Variants in PCDHA4 observed in about 807,000 individuals in gnomAD.
PCDHA4 encodes the protein protocadherin alpha-4.
Under a neutral mutation model 61.4 loss-of-function variants are expected in PCDHA4, and 49 were observed. That is an observed-to-expected ratio of 0.80 (90% CI 0.63 to 1.01). The LOEUF (loss-of-function observed/expected upper bound fraction) is 1.01, where lower values mean the gene tolerates loss of function less well. Ranked by LOEUF, PCDHA4 falls within the 50% of genes least tolerant of loss-of-function variation. The probability of loss-of-function intolerance (pLI) is 0.00; values close to 1 mark genes in which losing one functional copy is unlikely to be tolerated. For missense variants in PCDHA4, 1,254 were observed against 1,235.8 expected (o/e 1.01, Z -0.22); for synonymous variants, 590 against 550.3 (o/e 1.07, Z -1.01).
rs1276562311 is a variant in PCDHA4, at chr5:140,851,314, C to T, written c.2385+41742C>T. ...AGCAAAAATATATAGCAATTGTTAC[C>T]TTGTTAAGTTTGTAGTTCTCTACAT... On this transcript the variant is annotated intron_variant, in intron 1 of 3. Transcript: ENST00000530339. The T allele has an allele frequency of 2.6e-5, 26 of 997,988 alleles. 4 individuals carry two copies. Among genetic ancestry groups the T allele is most frequent in the Non-Finnish European group, 2.6e-5 (21 of 813,766 alleles). The allele number at this position is 997,988 out of a possible 1,614,324, so 61.8% of individuals were successfully genotyped here.
chr5:140,884,174 C>T (rs540874524), intron 1 of PCDHA4: 6 of 1,613,436 alleles, frequency 3.7e-6, no homozygotes, highest in Middle Eastern at 1.7e-4. Flanking sequence ...CACGACGCGC[C>T]CTCTGGACGA....
chr5:140,916,747 G>A (rs1445361224), intron 1 of PCDHA4, among the ~76,000 whole-genome samples: 1 of 152,220 alleles, frequency 6.6e-6, no homozygotes, highest in Non-Finnish European at 1.5e-5. Context: ...TTCACTGCCT[G>A]GGATTAGGGG....
At chr5:140,926,957 T>G in intron 1 of PCDHA4, 1 of 1,602,892 alleles carries the variant, frequency 6.2e-7, no homozygotes, top group Non-Finnish European at 8.5e-7. Context: ...GCGGGACAGC[T>G]CGAGTACTCA....
chr5:140,936,640 C>G (rs782162757), intron 1 of PCDHA4, among the ~76,000 whole-genome samples: 3 of 152,208 alleles, frequency 2.0e-5, no homozygotes, highest in African/African-American at 7.2e-5. Context: ...TCATAAGCAA[C>G]GTGACTTTAT....
intron 3 of PCDHA4, among the ~76,000 whole-genome samples, chr5:141,008,546 A>G (rs2098381708): frequency 6.6e-6 from 1 of 150,382 alleles, no homozygotes; most frequent in Non-Finnish European, 1.5e-5. Flanking sequence ...TTTATTGAAA[A>G]CTCCTGTGGA....
At chr5:140,852,885 ATT>A (rs879977429) in intron 1 of PCDHA4, 59 of 776,660 alleles carry the variant, frequency 7.6e-5, no homozygotes, top group Non-Finnish European at 8.1e-5. Flanking sequence ...CATAAAACGT[ATT>A]TTTTTTTTTG....
intron 1 of PCDHA4, among the ~76,000 whole-genome samples, chr5:140,915,632 CT>C (rs782761734): frequency 6.2e-5 from 9 of 144,496 alleles, no homozygotes; most frequent in Non-Finnish European, 1.3e-4. Context: ...TTCTGTCTCT[CT>C]CTCTCTCTCT....
chr5:140,852,885 A>ATTT, intron 1 of PCDHA4: 1 of 778,088 alleles, frequency 1.3e-6, no homozygotes, highest in Non-Finnish European at 1.6e-6. Context: ...CATAAAACGT[A>ATTT]TTTTTTTTTT....
At chr5:140,849,791 G>C (rs1482087320) in intron 1 of PCDHA4, 8 of 1,598,446 alleles carry the variant, frequency 5.0e-6, no homozygotes, top group Non-Finnish European at 6.8e-6. Context: ...ACGGGGGCTC[G>C]CCTTCACTGT....
At chr5:140,839,943 G>A (rs1281845453) in intron 1 of PCDHA4, among the ~76,000 whole-genome samples, 2 of 151,554 alleles carry the variant, frequency 1.3e-5, no homozygotes, top group East Asian at 3.9e-4. Flanking sequence ...TGCCAAGAAG[G>A]AGACAACATA....
At chr5:140,964,454 T>C (rs1392277569) in intron 1 of PCDHA4, among the ~76,000 whole-genome samples, 1 of 152,132 alleles carries the variant, frequency 6.6e-6, no homozygotes, top group Admixed American at 6.5e-5. Flanking sequence ...CTGTAATCTC[T>C]TCCTTAAGTG....
intron 1 of PCDHA4, among the ~76,000 whole-genome samples, chr5:140,890,167 A>G (rs1423577741): frequency 6.6e-6 from 1 of 152,174 alleles, no homozygotes; most frequent in East Asian, 1.9e-4. Context: ...CTGCCACAGA[A>G]ATAGGCAAAT....
chr5:141,005,731 A>AAAAAAG (rs2098235322), intron 3 of PCDHA4, among the ~76,000 whole-genome samples: 2 of 149,106 alleles, frequency 1.3e-5, no homozygotes, highest in East Asian at 1.9e-4. Flanking sequence ...AAAAAAAAAA[A>AAAAAAG]GAATGGATGA....
Position 140,876,936 on chromosome 5 carries a change from G to C in PCDHA4, c.2385+67364G>C, listed in dbSNP as rs567563243. On this transcript the variant is annotated intron_variant, in intron 1 of 3. Transcript: ENST00000530339. ...GGGACGCGGACGCGCAGAAGAACGCGCTGGTGTCCTACTCGCTGGTGGAGC... is the reference window on the plus strand; with the variant it reads ...GGGACGCGGACGCGCAGAAGAACGCCCTGGTGTCCTACTCGCTGGTGGAGC... 190 of 1,613,730 alleles carry C rather than the reference G, an allele frequency of 1.2e-4. 1 individual carries two copies. The highest frequency in any genetic ancestry group is 1.5e-4 in the South Asian group (14 of 91,062).
At chr5:140,910,850 A>G (rs1285161954) in intron 1 of PCDHA4, among the ~76,000 whole-genome samples, 1 of 152,168 alleles carries the variant, frequency 6.6e-6, no homozygotes, top group Non-Finnish European at 1.5e-5. Flanking sequence ...CCTTGGATCT[A>G]TGTTCCATCC....
intron 1 of PCDHA4, chr5:140,882,748 A>C: frequency 1.2e-6 from 2 of 1,614,258 alleles, no homozygotes; most frequent in Non-Finnish European, 1.7e-6. Flanking sequence ...CATCCGATGC[A>C]GATATTGGAG....
In PCDHA4 at chr5:140,852,257, T is replaced by C. The variant is rs1417638818; in HGVS notation, c.2385+42685T>C. 5.9e-6 allele frequency: 3 copies of C among 512,112 alleles called. No individual in the cohort carries two copies. The African/African-American group carries it at 6.3e-5, about 11-fold the overall frequency. 31.7% of individuals were successfully genotyped at this position (512,112 alleles called of 1,614,324 possible). A position where few individuals can be genotyped will look rare whatever the true frequency, so the allele number is the denominator to read the frequency against. On this transcript the variant is annotated intron_variant, in intron 1 of 3. Coordinates refer to ENST00000530339, the MANE Select transcript of PCDHA4 (RefSeq NM_018907.4). ...TCCCTTAAAACACACTTTTGGAATA[T>C]GCTACAATATTACATGTTTTTTGTC...
chr5:140,843,457 G>A, intron 1 of PCDHA4: 1 of 1,596,058 alleles, frequency 6.3e-7, no homozygotes, highest in South Asian at 1.1e-5. Flanking sequence ...GCCTGCTGGT[G>A]CTCACGCTGC....
chr5:140,838,514 G>A (rs1775767521), intron 1 of PCDHA4, among the ~76,000 whole-genome samples: 1 of 151,652 alleles, frequency 6.6e-6, no homozygotes, highest in African/African-American at 2.4e-5. Context: ...AAAAGTATTT[G>A]CATCTTATTT....
Sources: allele counts gnomAD v4.1 joint callset (sites outside exome capture counted in the v4.1 genomes callset), GRCh38; gene constraint gnomAD v4.1.1; transcripts MANE v1.5; gene names NCBI Gene and HGNC (gene_info 2026-07-23, HGNC 2026-07-21).